Variants in STRN4 observed in about 807,000 individuals in gnomAD.
STRN4 encodes striatin-4.
A neutral mutation model predicts 77.9 loss-of-function variants in STRN4; 27 were observed. The observed-to-expected ratio is 0.35, with a 90% CI of 0.26 to 0.48. The LOEUF (loss-of-function observed/expected upper bound fraction) is 0.48. Among genes scored for constraint, STRN4 ranks in the 20% least tolerant of loss-of-function variants. The pLI is 0.99. For missense variants in STRN4, 798 were observed against 1,049.7 expected (o/e 0.76, Z 3.31); for synonymous variants, 466 against 443.1 (o/e 1.05, Z -0.65).
Position 46,746,317 on chromosome 19 carries a change from G to A in STRN4, c.114C>T (p.Ala38=). 1 of 1,343,636 alleles carries A rather than the reference G, an allele frequency of 7.4e-7. No homozygotes were observed. The highest frequency in any genetic ancestry group is 9.5e-7 in the Non-Finnish European group (1 of 1,054,308). 83.2% of individuals were successfully genotyped at this position (1,343,636 alleles called of 1,614,324 possible). The change falls in exon 1 of 18, where the codon GCC becomes GCT. Residue 38 remains alanine (A), a synonymous_variant. Transcript: ENST00000263280. ...PTGAAPVSAP[A]PGPGPAGKGG... ...CCTTACCTGCCGGGCCCGGCCCGGGGGCAGGGGCGGAGACCGGGGCCGCCC... is the reference window on the plus strand; with the variant it reads ...CCTTACCTGCCGGGCCCGGCCCGGGAGCAGGGGCGGAGACCGGGGCCGCCC...
At chr19:46,739,069 ATC>A (rs2054426348) in intron 1 of STRN4, among the ~76,000 whole-genome samples, 181 bp from the exon 2 acceptor site, 3 of 152,308 alleles carry the variant, frequency 2.0e-5, no homozygotes, top group Admixed American at 6.5e-5. Flanking sequence ...GACAGGATGG[ATC>A]TGTTTCCAGG....
In STRN4 at chr19:46,733,213, G is replaced by C; in HGVS notation, c.563C>G (p.Thr188Arg). The change falls in exon 5 of 18, where the codon ACA becomes AGA. Residue 188 changes from threonine to arginine, a missense_variant. By Grantham distance (71) the Thr-to-Arg change is moderately conservative. This residue lies in a region of STRN4 where 511 missense variants were observed against 575.9 expected (regional missense o/e 0.89). Coordinates refer to ENST00000263280, the MANE Select transcript of STRN4 (RefSeq NM_013403.3). The surrounding 1 kb of genome is among the most constrained non-coding windows in gnomAD (Gnocchi z 4.3). ...GGACCGCATGTCGAGGATGGTGTCT[G>C]TGTAGCCCACCTCTTCCAGGTACCT... ...LRQYLEEVGY[T>R]DTILDMRSKR... 1.2e-6 allele frequency: 2 copies of C among 1,610,638 alleles called. No individual in the cohort carries two copies. Among genetic ancestry groups the C allele is most frequent in the East Asian group, 2.2e-5 (1 of 44,894 alleles).
intron 1 of STRN4, chr19:46,745,687 C>T (rs2054575098): frequency 6.5e-6 from 1 of 152,812 alleles, no homozygotes; most frequent in African/African-American, 2.4e-5. Context: ...CCTCGGCGCC[C>T]GGCAAGCTTC....
At chr19:46,722,202 C>T (rs764767710) in intron 15 of STRN4, 40 bp downstream of exon 15, 2 of 1,604,838 alleles carry the variant, frequency 1.2e-6, no homozygotes, top group South Asian at 2.2e-5. Flanking sequence ...CTGCCTCTGG[C>T]CCTCCCCACC....
intron 7 of STRN4, 67 bp downstream of exon 7, chr19:46,728,551 G>A (rs2054177316): frequency 6.4e-7 from 1 of 1,557,316 alleles, no homozygotes; most frequent in Non-Finnish European, 8.7e-7. Flanking sequence ...GCTGCGGGCA[G>A]CTGAGCCTGC....
chr19:46,733,082 C>T lies in STRN4; in HGVS notation c.694G>A (p.Gly232Arg). Residue 232 changes from glycine (G) to arginine (R), a missense_variant, in exon 5 of 18, where the codon GGG becomes AGG. Gly to Arg is a moderately radical substitution (Grantham distance 125, BLOSUM62 -2). Coordinates refer to ENST00000263280, the MANE Select transcript of STRN4 (RefSeq NM_013403.3). This position sits in a 1 kb window ranked among gnomAD's most constrained non-coding sequence, Gnocchi z 4.3. The part of the protein sequence containing the change: ...APPGPAGLSG[G>R]ESLLVKQIEE... ...ATCTGTTTCACCAGCAGCGACTCCC[C>T]ACCACTGAGCCCTGCAGGGCCTGGT... The T allele has an allele frequency of 1.9e-6, 3 of 1,613,516 alleles. No individual in the cohort carries two copies. Among genetic ancestry groups the T allele is most frequent in the South Asian group, 1.1e-5 (1 of 91,052 alleles).
Position 46,727,498 on chromosome 19 carries a change from TC to T in STRN4, c.1201del (p.Asp401ThrfsTer79). On this transcript the variant is annotated frameshift_variant, in exon 9 of 18. Coordinates refer to ENST00000263280, the MANE Select transcript of STRN4 (RefSeq NM_013403.3). LOFTEE classifies it high-confidence loss of function. ...GTTGGTGACGGTGAGATCTGCCAAG[TC>T]CCCCAGGCTCACCTCCCCGCCCCCG... ...TIGGGEVSLG[D>X]LADLTVTNDN... is the part of the protein sequence containing the mutation. 6.2e-7 allele frequency: 1 copy of T among 1,613,220 alleles called. No individual in the cohort carries two copies. Among genetic ancestry groups the T allele is most frequent in the East Asian group, 2.2e-5 (1 of 44,794 alleles).
chr19:46,722,321 T>C lies in STRN4; in HGVS notation c.1926A>G (p.Gln642=), dbSNP rs764455048. 6.2e-7 allele frequency: 1 copy of C among 1,613,892 alleles called. No homozygotes were observed. The highest frequency in any genetic ancestry group is 8.5e-7 in the Non-Finnish European group (1 of 1,179,968). The change falls in exon 15 of 18, where the codon CAA becomes CAG. Residue 642 remains glutamine, a synonymous_variant. Transcript: ENST00000263280. The part of the protein sequence containing the change: ...RGSSGPTQIN[Q]VVSHPNQPLT... ...GAGGCTGGTTTGGATGACTCACCAC[T>C]TGGTTGATCTGGGTTGGACCTGAAG... is the stretch of plus-strand genomic sequence containing the variant.
At chr19:46,728,144 T>C (rs990980041) in intron 7 of STRN4, 137 bp from the exon 8 acceptor site, 2 of 834,416 alleles carry the variant, frequency 2.4e-6, no homozygotes, top group Admixed American at 2.0e-5. Flanking sequence ...AGGGGGGGAA[T>C]GGGCAGAGGA....
Position 46,733,305 on chromosome 19 carries a change from C to T in STRN4, c.540-69G>A. 1 of 1,483,956 alleles carries T rather than the reference C, an allele frequency of 6.7e-7. No individual in the cohort carries two copies. The highest frequency in any genetic ancestry group is 1.4e-5 in the African/African-American group (1 of 72,358). The allele number at this position is 1,483,956 out of a possible 1,614,324, so 91.9% of individuals were successfully genotyped here. On this transcript the variant is annotated intron_variant, in intron 4 of 17. Coordinates refer to ENST00000263280, the MANE Select transcript of STRN4 (RefSeq NM_013403.3). The surrounding 1 kb of genome is among the most constrained non-coding windows in gnomAD (Gnocchi z 4.3). Reference sequence around the variant, plus strand: ...TCTTCATGTACCACAGGGGCCAATGCAAACCGAGACAACCTCTTAAGGGGC... The same window carrying T: ...TCTTCATGTACCACAGGGGCCAATGTAAACCGAGACAACCTCTTAAGGGGC...
rs1174169881 is a variant in STRN4, at chr19:46,736,813, G to A, written c.539+10C>T. The A allele has an allele frequency of 6.2e-7, 1 of 1,610,164 alleles. No individual in the cohort carries two copies. The highest frequency in any genetic ancestry group is 2.2e-5 in the East Asian group (1 of 44,454). On this transcript the variant is annotated intron_variant, in intron 4 of 17. Transcript: ENST00000263280. Reference sequence around the variant, plus strand: ...ACGTGTCCCCAGCCCCCCTCCCCGAGCACACTCACTGTCGGAGAAGCTGCC... The same window carrying A: ...ACGTGTCCCCAGCCCCCCTCCCCGAACACACTCACTGTCGGAGAAGCTGCC...
At chr19:46,728,106 T>C (rs1399613738) in intron 7 of STRN4, 99 bp from the exon 8 acceptor site, 2 of 1,131,690 alleles carry the variant, frequency 1.8e-6, no homozygotes, top group Non-Finnish European at 2.6e-6. Flanking sequence ...TGCCACTCTG[T>C]GGGGCTGTGA....
intron 12 of STRN4, among the ~76,000 whole-genome samples, chr19:46,724,361 C>A (rs1027320902): frequency 1.3e-5 from 2 of 151,962 alleles, no homozygotes; most frequent in African/African-American, 4.8e-5. Flanking sequence ...AAAGAGAAAG[C>A]CCCAACGCGC....
At chr19:46,726,686 C>T (rs1333875147) in intron 9 of STRN4, among the ~76,000 whole-genome samples, 1 of 152,076 alleles carries the variant, frequency 6.6e-6, no homozygotes. Flanking sequence ...GGCCAGGTTC[C>T]GGAGAGATGA....
Position 46,722,970 on chromosome 19 carries a change from A to G in STRN4, c.1766-20T>C, listed in dbSNP as rs1405844681. 3.1e-6 allele frequency: 5 copies of G among 1,613,042 alleles called. No homozygotes were observed. The highest frequency in any genetic ancestry group is 4.2e-6 in the Non-Finnish European group (5 of 1,179,690). ...CGTGCTCTGAGGGCACAGGGAAGAG[A>G]AGGCTGCTGAATGGACCCTCAGACC... On this transcript the variant is annotated intron_variant, in intron 13 of 17. Transcript: ENST00000263280.
At position 46,738,915 on chromosome 19, in the gene STRN4, G is replaced by T; in HGVS notation, c.283-27C>A. The T allele has an allele frequency of 6.3e-7, 1 of 1,595,416 alleles. No individual in the cohort carries two copies. ...TGGGAGGGCAGACAGGAGGCAAAGG[G>T]AGATAATGGGGCTCAGGCTCAATGC... On this transcript the variant is annotated intron_variant, in intron 1 of 17. Coordinates refer to ENST00000263280, the MANE Select transcript of STRN4 (RefSeq NM_013403.3). This position sits in a 1 kb window ranked among gnomAD's most constrained non-coding sequence, Gnocchi z 4.5.
chr19:46,738,859 C>G lies in STRN4; in HGVS notation c.312G>C (p.Arg104Ser), dbSNP rs775707221. The G allele has an allele frequency of 1.2e-6, 2 of 1,614,138 alleles. No individual in the cohort carries two copies. The highest frequency in any genetic ancestry group is 2.2e-5 in the South Asian group (2 of 91,086). The change falls in exon 2 of 18, where the codon AGG becomes AGC. Residue 104 changes from arginine to serine, a missense_variant. Coordinates refer to ENST00000263280, the MANE Select transcript of STRN4 (RefSeq NM_013403.3). This position sits in a 1 kb window ranked among gnomAD's most constrained non-coding sequence, Gnocchi z 4.5. ...CCGTCTTTAGATTCTCCTGCCCTTT[C>G]CTCTCTCCCTGAAGGAAGGCCACCT... ...QAQVAFLQGERKGQENLKTDL... is the reference protein window; with the variant it reads ...QAQVAFLQGESKGQENLKTDL...
intron 9 of STRN4, among the ~76,000 whole-genome samples, chr19:46,726,499 AGGT>A (rs1047013935): frequency 7.0e-6 from 1 of 142,556 alleles, no homozygotes; most frequent in Non-Finnish European, 1.5e-5. Context: ...AAAAAAAAAA[AGGT>A]AGCCTCAGAG....
chr19:46,724,369 C>T lies in STRN4; in HGVS notation c.1594+438G>A, dbSNP rs533719985. Among the ~76,000 whole-genome samples, 7 of 152,050 alleles carry T rather than the reference C, an allele frequency of 4.6e-5. No homozygotes were observed. In the East Asian group the frequency reaches 7.8e-4, roughly 17 times the overall value. On this transcript the variant is annotated intron_variant, in intron 12 of 17. Transcript: ENST00000263280. ...ATGCTCCAAAGAGAAAGCCCCAACG[C>T]GCTCCAGCCTGGCCCAGCTAACTCC... is the stretch of plus-strand genomic sequence containing the variant.
Sources: gnomAD v4.1 joint callset for allele counts (sites outside exome capture counted in the v4.1 genomes callset) on GRCh38, gnomAD v4.1.1 for gene constraint, gnomAD v4.1.1 regional missense constraint, Gnocchi (gnomAD v3.1) non-coding constraint, MANE v1.5 for transcripts, NCBI Gene and HGNC (gene_info 2026-07-23, HGNC 2026-07-21) for gene names.